FAM220A: variants seen among roughly 807,000 people sequenced by gnomAD.
The protein encoded by FAM220A is protein FAM220A.
For missense variants in FAM220A, 392 were observed against 321.6 expected (o/e 1.22, Z -1.68); for synonymous variants, 141 against 130.7 (o/e 1.08, Z -0.54).
chr7:6,348,581 G>A lies in FAM220A; in HGVS notation c.-90C>T. The A allele has an allele frequency of 2.3e-6, 1 of 437,188 alleles. No homozygotes were observed. Among genetic ancestry groups the A allele is most frequent in the Non-Finnish European group, 4.1e-6 (1 of 245,098 alleles). 27.1% of individuals were successfully genotyped at this position (437,188 alleles called of 1,614,324 possible). On this transcript the variant is annotated 5_prime_UTR_variant, in exon 1 of 2. Transcript: ENST00000313324. ...AGGCACGGCTCACCCACCTGCAGGC[G>A]GACGTTGAGCATCATGGAAGCCACG...
intron 1 of FAM220A, among the ~76,000 whole-genome samples, chr7:6,347,382 G>A (rs531155347): frequency 6.6e-5 from 10 of 152,146 alleles, no homozygotes; most frequent in African/African-American, 1.4e-4. Context: ...CTGGCGTGGT[G>A]GCGGGCACCT....
At chr7:6,347,883 T>TTATTATTATTATTATTA (rs1781983746) in intron 1 of FAM220A, among the ~76,000 whole-genome samples, 2 of 131,538 alleles carry the variant, frequency 1.5e-5, no homozygotes, top group African/African-American at 5.6e-5. Context: ...ACGAGACCCC[T>TTATTATTATTATTATTA]TTATTATTAT....
At position 6,330,919 on chromosome 7, in the gene FAM220A, C is replaced by T; in HGVS notation, c.236G>A (p.Gly79Asp). ...PSGAGLWLHS[G>D]GPVLPYVRES... ...TCTCACATATGGAAGCACTGGGCCG[C>T]CACTGTGAAGCCAGAGGCCAGCCCC... is the stretch of plus-strand genomic sequence containing the variant. Residue 79 changes from glycine (G) to aspartate (D), a missense_variant, in exon 2 of 2, where the codon GGC becomes GAC. By Grantham distance (94) the Gly-to-Asp change is moderately conservative. Transcript: ENST00000313324. The T allele has an allele frequency of 6.2e-7, 1 of 1,614,212 alleles. No individual in the cohort carries two copies. Among genetic ancestry groups the T allele is most frequent in the Non-Finnish European group, 8.5e-7 (1 of 1,180,044 alleles).
chr7:6,329,804 A>C lies in FAM220A; in HGVS notation c.*571T>G, dbSNP rs1438865476. The C allele has an allele frequency of 6.0e-6, 1 of 166,966 alleles. No homozygotes were observed. Among genetic ancestry groups the C allele is most frequent in the East Asian group, 1.9e-4 (1 of 5,202 alleles). The allele number at this position is 166,966 out of a possible 1,614,324, so 10.3% of individuals were successfully genotyped here. A position where few individuals can be genotyped will look rare whatever the true frequency, so the allele number is the denominator to read the frequency against. On this transcript the variant is annotated 3_prime_UTR_variant, in exon 2 of 2. Transcript: ENST00000313324. ...TTGAGAAGGGATCTTCTAAAGGTAA[A>C]CTTAATATTGCAACTTTCACCACAG...
chr7:6,341,531 T>A (rs1027482296), intron 1 of FAM220A, among the ~76,000 whole-genome samples: 3 of 142,374 alleles, frequency 2.1e-5, no homozygotes, highest in African/African-American at 7.9e-5. Context: ...AAAAAAAAAT[T>A]TTTTTTAAAT....
intron 1 of FAM220A, among the ~76,000 whole-genome samples, chr7:6,336,158 G>C (rs1183535362): frequency 7.0e-6 from 1 of 141,954 alleles, no homozygotes; most frequent in Non-Finnish European, 1.5e-5. Flanking sequence ...GGGCAACAGA[G>C]TGAGATTTTG....
chr7:6,333,434 C>T (rs960229912), intron 1 of FAM220A, among the ~76,000 whole-genome samples: 1 of 151,986 alleles, frequency 6.6e-6, no homozygotes, highest in African/African-American at 2.4e-5. Flanking sequence ...GGCTGTTCCA[C>T]AGAGCAGGAA....
In FAM220A at chr7:6,348,806, G is replaced by A; in HGVS notation, c.-315C>T. On this transcript the variant is annotated 5_prime_UTR_variant, in exon 1 of 2. Coordinates refer to ENST00000313324, the MANE Select transcript of FAM220A (RefSeq NM_001037163.2). ...CCCCCCCGCCCGCCCTCTCCGCGCC[G>A]CGTCGCCCCGGCAGCTGACCCTCGC... The A allele has an allele frequency of 2.5e-6, 1 of 395,952 alleles. No individual in the cohort carries two copies. Among genetic ancestry groups the A allele is most frequent in the Non-Finnish European group, 4.5e-6 (1 of 224,336 alleles). The allele number at this position is 395,952 out of a possible 1,614,324, so 24.5% of individuals were successfully genotyped here.
chr7:6,335,740 T>C (rs1583237562), intron 1 of FAM220A, among the ~76,000 whole-genome samples: 1 of 152,098 alleles, frequency 6.6e-6, no homozygotes. Flanking sequence ...TTCACTAAAA[T>C]ATATTTGAAC....
At position 6,331,212 on chromosome 7, in the gene FAM220A, C is replaced by A. The variant is rs561228918; in HGVS notation, c.-58G>T. On this transcript the variant is annotated 5_prime_UTR_variant, in exon 2 of 2. Coordinates refer to ENST00000313324, the MANE Select transcript of FAM220A (RefSeq NM_001037163.2). The stretch of plus-strand genomic sequence containing the variant: ...TCACGCCTTCGTCAGTCTGGGAGGG[C>A]CTTCAATGGATCTCAATATGAACCT... The A allele has an allele frequency of 1.9e-5, 29 of 1,509,848 alleles. No homozygotes were observed. In the African/African-American group the frequency reaches 2.6e-4, roughly 14 times the overall value. 93.5% of individuals were successfully genotyped at this position (1,509,848 alleles called of 1,614,324 possible).
intron 1 of FAM220A, chr7:6,338,759 T>C (rs990980637): frequency 6.6e-6 from 1 of 152,360 alleles, no homozygotes; most frequent in African/African-American, 2.4e-5. Flanking sequence ...ACCCAAGCTA[T>C]TCCTGGCCTC....
At chr7:6,346,989 T>C (rs1450717784) in intron 1 of FAM220A, among the ~76,000 whole-genome samples, 3 of 152,140 alleles carry the variant, frequency 2.0e-5, no homozygotes, top group African/African-American at 7.2e-5. Context: ...CCAGCTTTCT[T>C]TGAGAAAGAA....
At chr7:6,334,068 T>TCA (rs1287970673) in intron 1 of FAM220A, among the ~76,000 whole-genome samples, 1 of 151,002 alleles carries the variant, frequency 6.6e-6, no homozygotes, top group Non-Finnish European at 1.5e-5. Context: ...GGATGGAATC[T>TCA]ATCTCCTGAC....
intron 1 of FAM220A, 101 bp downstream of exon 1, chr7:6,348,472 A>C (rs1171111141): frequency 2.5e-6 from 1 of 405,432 alleles, no homozygotes; most frequent in Non-Finnish European, 4.4e-6. Flanking sequence ...CTTGACATAC[A>C]CTCAGCTTCT....
In FAM220A at chr7:6,330,547, AG is replaced by A. The variant is rs779591618; in HGVS notation, c.607del (p.Leu203SerfsTer2). On this transcript the variant is annotated frameshift_variant, in exon 2 of 2. Transcript: ENST00000313324. LOFTEE classifies it low-confidence loss of function (END_TRUNC). ...SATLHVYPEV[L>X]LSEETKRIFL... ...AATGCGTTTTGTCTCCTCACTCAGG[AG>A]CACTTCGGGATACACGTGCAGCGTT... 1 of 1,614,138 alleles carries A rather than the reference AG, an allele frequency of 6.2e-7. No homozygotes were observed. Among genetic ancestry groups the A allele is most frequent in the Admixed American group, 1.7e-5 (1 of 60,000 alleles).
intron 1 of FAM220A, among the ~76,000 whole-genome samples, chr7:6,339,561 G>A (rs1221717305): frequency 3.3e-5 from 5 of 151,512 alleles, no homozygotes; most frequent in African/African-American, 1.2e-4. Context: ...TCAGCTCACT[G>A]CAAGCTCCGC....
chr7:6,343,174 C>T (rs1321890175), intron 1 of FAM220A, among the ~76,000 whole-genome samples: 2 of 151,426 alleles, frequency 1.3e-5, no homozygotes, highest in South Asian at 2.1e-4. Context: ...GTCAGGAGTT[C>T]AAGACCAGCC....
intron 1 of FAM220A, among the ~76,000 whole-genome samples, chr7:6,347,094 A>T (rs1186994305): frequency 2.0e-5 from 3 of 152,228 alleles, no homozygotes; most frequent in African/African-American, 7.2e-5. Flanking sequence ...TGGGAGGGCA[A>T]GGCAGGAGGA....
At chr7:6,332,293 T>G (rs117788973) in intron 1 of FAM220A, among the ~76,000 whole-genome samples, 7 of 152,052 alleles carry the variant, frequency 4.6e-5, no homozygotes, top group Non-Finnish European at 1.0e-4. Flanking sequence ...GGCAAAAAAG[T>G]TCCTGTCCAA....
Sources: gnomAD v4.1 joint callset for allele counts (sites outside exome capture counted in the v4.1 genomes callset) on GRCh38, gnomAD v4.1.1 for gene constraint, MANE v1.5 for transcripts, NCBI Gene and HGNC (gene_info 2026-07-23, HGNC 2026-07-21) for gene names.